Variants in PXDNL observed in about 807,000 individuals in gnomAD.
The protein encoded by PXDNL is peroxidasin like.
PXDNL carries 145 observed loss-of-function variants against 150.8 expected under a neutral mutation model. That is an observed-to-expected ratio of 0.96 (90% CI 0.84 to 1.10). PXDNL has a LOEUF of 1.10. Among genes scored for constraint, PXDNL ranks in the 50% least tolerant of loss-of-function variants. The probability of loss-of-function intolerance (pLI) is 0.00; values close to 1 mark genes in which losing one functional copy is unlikely to be tolerated. For missense variants in PXDNL, 2,087 were observed against 1,873.9 expected, an observed-to-expected ratio of 1.11 and a Z score of -2.10; for synonymous variants, 757 against 725.7, an observed-to-expected ratio of 1.04 and a Z score of -0.69.
chr8:51,742,301 T>C (rs1436125647), intron 1 of PXDNL, among the ~76,000 whole-genome samples: 7 of 152,218 alleles, frequency 4.6e-5, no homozygotes, highest in Non-Finnish European at 8.8e-5. Flanking sequence ...ACGAAACTGT[T>C]ATTTTGACTG....
At chr8:51,511,470 T>A (rs1221583154) in intron 4 of PXDNL, among the ~76,000 whole-genome samples, 2 of 152,192 alleles carry the variant, frequency 1.3e-5, no homozygotes, top group Non-Finnish European at 2.9e-5. Flanking sequence ...TGTGAAACAC[T>A]GGAATGGACA....
At chr8:51,492,515 G>C (rs1433889164) in intron 5 of PXDNL, among the ~76,000 whole-genome samples, 2 of 152,306 alleles carry the variant, frequency 1.3e-5, no homozygotes, top group Non-Finnish European at 2.9e-5. Flanking sequence ...CAAGGGGTCA[G>C]GGAATTCCCT....
intron 6 of PXDNL, 30 bp from the exon 7 acceptor site, chr8:51,475,171 TA>T (rs1197545602): frequency 6.3e-7 from 1 of 1,576,216 alleles, no homozygotes; most frequent in Non-Finnish European, 8.7e-7. Context: ...GTACAACTGT[TA>T]AAAGGGACTA....
rs1386456178 is a variant in PXDNL at position 51,613,381 on chromosome 8, C to T, written c.237-20683G>A. ...TAAGGCCTAAAGACATCAATTTGAG[C>T]GTCACTTGATGTACAGGCAGTATCT... On this transcript the variant is annotated intron_variant, in intron 2 of 22. Transcript: ENST00000356297. Among the ~76,000 whole-genome samples, 7 of 148,956 alleles carry T rather than the reference C, an allele frequency of 4.7e-5. 1 individual carries two copies. Among genetic ancestry groups the T allele is most frequent in the African/African-American group, 1.2e-4 (5 of 40,350 alleles).
intron 17 of PXDNL, among the ~76,000 whole-genome samples, chr8:51,400,643 C>T (rs1480489238): frequency 6.6e-6 from 1 of 152,120 alleles, no homozygotes; most frequent in African/African-American, 2.4e-5. Flanking sequence ...TTTATTTGCT[C>T]AGGCATGTGT....
chr8:51,696,723 ATC>A (rs1816142080), intron 1 of PXDNL, among the ~76,000 whole-genome samples: 1 of 136,070 alleles, frequency 7.3e-6, no homozygotes, highest in Non-Finnish European at 1.6e-5. Context: ...GTTCACACAC[ATC>A]CACACACAGG....
rs1462647558 is a variant in PXDNL, at chr8:51,796,330, CACA to C, written c.164+12848_164+12850del. ...GGAAATGAAAGGAGATAGAGACACA[CACA>C]ACAACAACAACCAAAAAAAAAAAAA... On this transcript the variant is annotated intron_variant, in intron 1 of 22. Transcript: ENST00000356297. Among the ~76,000 whole-genome samples the C allele has an allele frequency of 4.2e-5, 6 of 142,304 alleles. No individual in the cohort carries two copies. The East Asian group carries it at 8.3e-4, about 20-fold the overall frequency. The allele number at this position is 142,304 out of a possible 152,430, so 93.4% of individuals were successfully genotyped here. A position where few individuals can be genotyped will look rare whatever the true frequency, so the allele number is the denominator to read the frequency against.
At chr8:51,777,764 G>A (rs900668989) in intron 1 of PXDNL, among the ~76,000 whole-genome samples, 9 of 152,116 alleles carry the variant, frequency 5.9e-5, no homozygotes, top group Non-Finnish European at 1.0e-4. Flanking sequence ...TTAGCCAGGC[G>A]TGGTAGTGGG....
At chr8:51,773,585 G>A (rs2037322441) in intron 1 of PXDNL, among the ~76,000 whole-genome samples, 1 of 152,178 alleles carries the variant, frequency 6.6e-6, no homozygotes, top group South Asian at 2.1e-4. Context: ...TTGTTCCCAA[G>A]CTTCCATCTC....
chr8:51,788,309 C>A (rs1259157561), intron 1 of PXDNL, among the ~76,000 whole-genome samples: 2 of 152,138 alleles, frequency 1.3e-5, no homozygotes, highest in Non-Finnish European at 2.9e-5. Context: ...GGAATGAAAT[C>A]ATTGTCACCC....
intron 3 of PXDNL, among the ~76,000 whole-genome samples, chr8:51,562,408 T>C (rs78201582): frequency 0.034 from 5,101 of 152,114 alleles, 235 homozygotes; most frequent in East Asian, 0.24. Flanking sequence ...GTGAAATTTA[T>C]AGCCCCAATA....
At chr8:51,522,213 T>A (rs1255433259) in intron 4 of PXDNL, among the ~76,000 whole-genome samples, 2 of 152,206 alleles carry the variant, frequency 1.3e-5, no homozygotes, top group African/African-American at 2.4e-5. Flanking sequence ...TAGGAAGGAA[T>A]AATATATTCT....
At chr8:51,334,123 G>A (rs747404148) in intron 21 of PXDNL, among the ~76,000 whole-genome samples, 10 of 151,258 alleles carry the variant, frequency 6.6e-5, no homozygotes, top group Admixed American at 2.0e-4. Flanking sequence ...AAGCATTCTC[G>A]CAGACCACAG....
intron 1 of PXDNL, among the ~76,000 whole-genome samples, chr8:51,687,095 C>T (rs1815893505): frequency 6.6e-6 from 1 of 151,964 alleles, no homozygotes; most frequent in African/African-American, 2.4e-5. Flanking sequence ...TGTGATATGA[C>T]ATGGTAAAAG....
At chr8:51,382,177 C>T (rs1037477299) in intron 17 of PXDNL, among the ~76,000 whole-genome samples, 2 of 152,054 alleles carry the variant, frequency 1.3e-5, no homozygotes, top group East Asian at 1.9e-4. Flanking sequence ...GAACAAAGAC[C>T]GAGAGTGAGA....
In PXDNL at chr8:51,413,255, A is replaced by G. The variant is rs1808704271; in HGVS notation, c.1799T>C (p.Ile600Thr). The G allele has an allele frequency of 1.9e-6, 3 of 1,593,880 alleles. No individual in the cohort carries two copies. Among genetic ancestry groups the G allele is most frequent in the Non-Finnish European group, 1.7e-6 (2 of 1,163,088 alleles). ...GTCATCGCCAGCTTGTCTACCCTGT[A>G]TAGCTTTGAAAATCAATTCCATGAT... is the stretch of plus-strand genomic sequence containing the variant. ...VTNMFLTVTAIQGRQAGDDFV... is the reference protein window; with the variant it reads ...VTNMFLTVTATQGRQAGDDFV... Residue 600 changes from isoleucine (I) to threonine (T), a missense_variant, in exon 15 of 23, where the codon ATA (isoleucine) becomes ACA (threonine). Transcript: ENST00000356297.
At chr8:51,433,227 T>C (rs1256010092) in intron 12 of PXDNL, among the ~76,000 whole-genome samples, 2 of 148,400 alleles carry the variant, frequency 1.3e-5, no homozygotes, top group African/African-American at 4.9e-5. Flanking sequence ...ATAATAATAA[T>C]AATAATAATA....
At chr8:51,436,113 A>T (rs1474140732) in intron 12 of PXDNL, 2 of 515,364 alleles carry the variant, frequency 3.9e-6, no homozygotes, top group African/African-American at 2.0e-5. Flanking sequence ...GTCTTGACCC[A>T]GCTTTTGATG....
Position 51,374,578 on chromosome 8 carries a change from A to G in PXDNL, c.3692+19T>C. 1.9e-6 allele frequency: 3 copies of G among 1,613,438 alleles called. No individual in the cohort carries two copies. Among genetic ancestry groups the G allele is most frequent in the Non-Finnish European group, 2.5e-6 (3 of 1,179,498 alleles). ...ACAACTTTTGTGATATTTAATAAGT[A>G]TAACAGATAATCATTCACCTATCTC... On this transcript the variant is annotated intron_variant, in intron 18 of 22. Coordinates refer to ENST00000356297, the MANE Select transcript of PXDNL (RefSeq NM_144651.5).
Sources: allele counts gnomAD v4.1 joint callset (sites outside exome capture counted in the v4.1 genomes callset), GRCh38; gene constraint gnomAD v4.1.1; transcripts MANE v1.5; gene names NCBI Gene and HGNC (gene_info 2026-07-23, HGNC 2026-07-21).